Variants in ME3 observed in about 807,000 individuals in gnomAD.
ME3 encodes the protein malic enzyme 3.
A neutral mutation model predicts 68.9 loss-of-function variants in ME3; 48 were observed. The observed-to-expected ratio is 0.70, with a 90% CI of 0.55 to 0.89. ME3 has a LOEUF of 0.89. Among genes scored for constraint, ME3 ranks in the 40% least tolerant of loss-of-function variants. The pLI, the probability that ME3 is intolerant of heterozygous loss-of-function variation, is 0.00. For missense variants in ME3, 675 were observed against 797.4 expected (o/e 0.85, Z 1.85); for synonymous variants, 320 against 318.8 (o/e 1.00, Z -0.04).
At chr11:86,494,784 G>A (rs644086) in intron 6 of ME3, among the ~76,000 whole-genome samples, 127,522 of 152,156 alleles carry the variant, frequency 0.84, 53,705 homozygotes, top group Non-Finnish European at 0.87. Context: ...ACCCTCATTT[G>A]TCTCCCTCAG....
At chr11:86,668,707 G>A (rs78587056) in intron 2 of ME3, among the ~76,000 whole-genome samples, 1,888 of 152,286 alleles carry the variant, frequency 0.012, 47 homozygotes, top group African/African-American at 0.043. Context: ...GCCCTGGTCG[G>A]CACCTCTTCT....
intron 7 of ME3, among the ~76,000 whole-genome samples, chr11:86,476,298 G>A (rs904690354): frequency 3.3e-5 from 5 of 152,184 alleles, no homozygotes; most frequent in Non-Finnish European, 7.4e-5. Flanking sequence ...TAGCGAGCAC[G>A]AAGGCTCTGC....
chr11:86,488,548 C>T (rs1273173353), intron 6 of ME3, among the ~76,000 whole-genome samples: 1 of 152,114 alleles, frequency 6.6e-6, no homozygotes, highest in Non-Finnish European at 1.5e-5. Context: ...GTTCAGGGCC[C>T]CTCCACCCCA....
intron 4 of ME3, among the ~76,000 whole-genome samples, chr11:86,522,315 T>C (rs761558819): frequency 8.0e-5 from 12 of 149,118 alleles, no homozygotes; most frequent in Non-Finnish European, 1.5e-4. Flanking sequence ...AAAAAAATGG[T>C]AAAAAATAAC....
At chr11:86,618,767 G>A (rs1943152972) in intron 2 of ME3, among the ~76,000 whole-genome samples, 1 of 151,556 alleles carries the variant, frequency 6.6e-6, no homozygotes, top group South Asian at 2.1e-4. Flanking sequence ...ACCCAGGCTG[G>A]AGTGCAATGG....
intron 2 of ME3, among the ~76,000 whole-genome samples, chr11:86,636,917 A>G (rs1217947676): frequency 1.3e-5 from 2 of 152,236 alleles, no homozygotes; most frequent in Non-Finnish European, 2.9e-5. Context: ...AGTAGGGTCT[A>G]AAAGCTAAGC....
intron 8 of ME3, chr11:86,462,539 G>T (rs1950272463): frequency 8.2e-7 from 1 of 1,212,172 alleles, no homozygotes; most frequent in African/African-American, 1.6e-5. Context: ...GGCTGCAGGG[G>T]CAGGTGTCCA....
intron 4 of ME3, among the ~76,000 whole-genome samples, chr11:86,518,898 A>G (rs1954072992): frequency 6.6e-6 from 1 of 152,228 alleles, no homozygotes. Flanking sequence ...GGACTGATGC[A>G]TCCAGAGGCA....
chr11:86,523,541 A>C (rs1954491560), intron 4 of ME3, among the ~76,000 whole-genome samples: 1 of 152,176 alleles, frequency 6.6e-6, no homozygotes, highest in Admixed American at 6.5e-5. Flanking sequence ...TGCAAATCTC[A>C]GATATTGCTC....
rs538296712 is a variant in ME3 at position 86,606,349 on chromosome 11, T to C, written c.184-46526A>G. 2.6e-5 allele frequency among the ~76,000 whole-genome samples: 4 copies of C among 151,814 alleles called. No homozygotes were observed. The East Asian group carries it at 7.8e-4, about 30-fold the overall frequency. On this transcript the variant is annotated intron_variant, in intron 2 of 14. Transcript: ENST00000543262. ...GTGCTGAGCTGCAGTTGGGGAAATATCTCAGGGACGTGCCTCATCAGGGTA... is the reference window on the plus strand; with the variant it reads ...GTGCTGAGCTGCAGTTGGGGAAATACCTCAGGGACGTGCCTCATCAGGGTA...
intron 4 of ME3, among the ~76,000 whole-genome samples, chr11:86,529,987 G>A (rs902525188): frequency 6.6e-6 from 1 of 152,134 alleles, no homozygotes; most frequent in African/African-American, 2.4e-5. Context: ...TCAACATAGT[G>A]TTGGAAGTTC....
intron 2 of ME3, among the ~76,000 whole-genome samples, chr11:86,665,150 C>G (rs1946513905): frequency 6.6e-6 from 1 of 152,174 alleles, no homozygotes; most frequent in Non-Finnish European, 1.5e-5. Flanking sequence ...CAACTAAGTA[C>G]CTGTGATACA....
At chr11:86,665,264 G>T (rs1946521257) in intron 2 of ME3, among the ~76,000 whole-genome samples, 1 of 152,212 alleles carries the variant, frequency 6.6e-6, no homozygotes, top group Non-Finnish European at 1.5e-5. Flanking sequence ...ATGAGGAAGT[G>T]TCAAATACTA....
intron 9 of ME3, 23 bp from the exon 10 acceptor site, chr11:86,450,025 T>G: frequency 6.4e-7 from 1 of 1,551,920 alleles, no homozygotes; most frequent in East Asian, 2.3e-5. Flanking sequence ...ATAGGGTAGA[T>G]GTTCAGACAC....
At chr11:86,451,373 A>G (rs1470838710) in intron 8 of ME3, among the ~76,000 whole-genome samples, 3 of 152,206 alleles carry the variant, frequency 2.0e-5, no homozygotes. Context: ...GACATGATGA[A>G]AACAGTCTTT....
At chr11:86,604,271 G>A (rs1277186287) in intron 2 of ME3, among the ~76,000 whole-genome samples, 2 of 152,040 alleles carry the variant, frequency 1.3e-5, no homozygotes, top group Non-Finnish European at 1.5e-5. Context: ...TAAAGCTGGA[G>A]GGGCAAAATG....
intron 7 of ME3, among the ~76,000 whole-genome samples, chr11:86,479,574 A>G (rs1430484710): frequency 6.6e-6 from 1 of 152,026 alleles, no homozygotes; most frequent in African/African-American, 2.4e-5. Flanking sequence ...TGCTTTTCTC[A>G]TGATGTACCT....
intron 8 of ME3, chr11:86,457,412 T>C: frequency 1.2e-6 from 1 of 813,434 alleles, no homozygotes; most frequent in Non-Finnish European, 1.5e-6. Flanking sequence ...AATTCAGTAA[T>C]CAGTTCTCAG....
chr11:86,449,803 A>C (rs1949532095), intron 10 of ME3, 86 bp downstream of exon 10: 3 of 913,214 alleles, frequency 3.3e-6, no homozygotes, highest in Non-Finnish European at 3.4e-6. Context: ...CTGTTTGAGC[A>C]GTTGACTTCT....
Sources: allele counts gnomAD v4.1 joint callset (sites outside exome capture counted in the v4.1 genomes callset), GRCh38; gene constraint gnomAD v4.1.1; transcripts MANE v1.5; gene names NCBI Gene and HGNC (gene_info 2026-07-23, HGNC 2026-07-21).